Variants in AMMECR1 observed in about 807,000 individuals in gnomAD.
The protein encoded by AMMECR1 is AMMECR nuclear protein 1.
AMMECR1 carries 3 observed loss-of-function variants against 22.5 expected under a neutral mutation model. The observed-to-expected ratio is 0.13, with a 90% CI of 0.06 to 0.35. The LOEUF is 0.35. Ranked by LOEUF, AMMECR1 falls within the 10% of genes least tolerant of loss-of-function variation. AMMECR1 has a pLI of 1.00. For missense variants in AMMECR1, 235 were observed against 278.7 expected (o/e 0.84, Z 1.12); for synonymous variants, 130 against 116.7 (o/e 1.11, Z -0.74).
intron 2 of AMMECR1, among the ~76,000 whole-genome samples, chrX:110,367,186 T>G (rs2068302777): frequency 8.9e-6 from 1 of 112,173 alleles, no homozygotes; most frequent in East Asian, 2.8e-4. Context: ...ATGGCATCAA[T>G]TTTTCTTTCA....
chrX:110,409,516 A>G (rs1378013839), intron 2 of AMMECR1, among the ~76,000 whole-genome samples: 1 of 111,857 alleles, frequency 8.9e-6, no homozygotes, highest in Non-Finnish European at 1.9e-5. Flanking sequence ...CAGAGAGGAT[A>G]CCAGGGAAAA....
chrX:110,303,332 T>C (rs1299122079), intron 1 of AMMECR1, among the ~76,000 whole-genome samples: 2 of 111,473 alleles, frequency 1.8e-5, no homozygotes, highest in African/African-American at 6.5e-5. Context: ...TTTCCCCCAG[T>C]TGTGCTCTAC....
At chrX:110,256,041 G>T (rs1270157589) in intron 2 of AMMECR1, among the ~76,000 whole-genome samples, 2 of 111,805 alleles carry the variant, frequency 1.8e-5, no homozygotes, top group Non-Finnish European at 3.8e-5. Flanking sequence ...TTAATGGTGG[G>T]GATTCATTCT....
intron 1 of AMMECR1, among the ~76,000 whole-genome samples, chrX:110,286,671 CAAAA>C (rs775821051): frequency 3.0e-5 from 2 of 66,999 alleles, no homozygotes; most frequent in Non-Finnish European, 2.9e-5. Flanking sequence ...GACCCTGTCT[CAAAA>C]AAAAAAAAAA....
At chrX:110,199,339 C>A (rs2148161442) in intron 5 of AMMECR1, among the ~76,000 whole-genome samples, 1 of 111,043 alleles carries the variant, frequency 9.0e-6, no homozygotes, top group South Asian at 3.9e-4. Context: ...TCTCAGATTG[C>A]TCCTTGTCTC....
chrX:110,256,808 T>A (rs2067713457), intron 2 of AMMECR1, among the ~76,000 whole-genome samples: 1 of 111,715 alleles, frequency 9.0e-6, no homozygotes, highest in African/African-American at 3.2e-5. Context: ...TTTTAAAAAG[T>A]ATTTCTCATG....
At chrX:110,296,929 TTTTAA>T (rs1335753775) in intron 1 of AMMECR1, among the ~76,000 whole-genome samples, 2 of 111,176 alleles carry the variant, frequency 1.8e-5, no homozygotes, top group Non-Finnish European at 3.8e-5. Context: ...TTACTGTTGG[TTTTAA>T]TTTTTTTTAG....
intron 2 of AMMECR1, among the ~76,000 whole-genome samples, chrX:110,421,336 A>G (rs1193471192): frequency 2.7e-5 from 3 of 112,742 alleles, no homozygotes; most frequent in Non-Finnish European, 3.7e-5. Flanking sequence ...GGATGCTGCC[A>G]TACAGTGTCA....
intron 3 of AMMECR1, among the ~76,000 whole-genome samples, chrX:110,214,427 T>A (rs1023160535): frequency 8.9e-6 from 1 of 111,761 alleles, no homozygotes; most frequent in African/African-American, 3.3e-5. Flanking sequence ...AGGATAAATA[T>A]GCCTTGAAAG....
intron 2 of AMMECR1, among the ~76,000 whole-genome samples, chrX:110,368,643 T>C (rs1372275404): frequency 3.6e-5 from 4 of 112,137 alleles, no homozygotes; most frequent in African/African-American, 1.3e-4. Context: ...TTAATTTTTT[T>C]CCATAGTACT....
chrX:110,389,974 C>T (rs764160694), intron 2 of AMMECR1, among the ~76,000 whole-genome samples: 4 of 111,768 alleles, frequency 3.6e-5, no homozygotes, highest in Non-Finnish European at 7.5e-5. Flanking sequence ...GCTTGTTTAC[C>T]ACAGAGTATT....
intron 1 of AMMECR1, among the ~76,000 whole-genome samples, chrX:110,433,477 G>C (rs964510413): frequency 9.0e-6 from 1 of 111,598 alleles, no homozygotes; most frequent in Non-Finnish European, 1.9e-5. Flanking sequence ...TAATGAGGAA[G>C]GGCAGGGAGA....
chrX:110,197,535 A>G lies in AMMECR1; in HGVS notation c.*985T>C, dbSNP rs2067376712. The G allele has an allele frequency of 8.9e-6, 1 of 111,853 alleles. No individual in the cohort carries two copies. The highest frequency in any genetic ancestry group is 1.9e-5 in the Non-Finnish European group (1 of 53,037). The allele number at this position is 111,853 out of a possible 1,213,427, so 9.2% of individuals were successfully genotyped here. ...CTTAAAAAAATACTTAAGAGTAAGG[A>G]ATTTGTCTAATCTTCTGTTTCACAT... On this transcript the variant is annotated 3_prime_UTR_variant, in exon 6 of 6. Coordinates refer to ENST00000262844, the MANE Select transcript of AMMECR1 (RefSeq NM_015365.3).
chrX:110,210,706 T>G (rs371436314), intron 3 of AMMECR1, among the ~76,000 whole-genome samples: 2 of 112,355 alleles, frequency 1.8e-5, no homozygotes, highest in East Asian at 5.6e-4. Flanking sequence ...CACCCTATTA[T>G]TAACTGCAAC....
In AMMECR1 at chrX:110,260,611, AT is replaced by A. The variant is rs2067735559; in HGVS notation, c.584+3877del. Among the ~76,000 whole-genome samples the A allele has an allele frequency of 2.7e-5, 3 of 111,514 alleles. No individual in the cohort carries two copies. In the South Asian group the frequency reaches 1.1e-3, roughly 42 times the overall value. Reference sequence around the variant, plus strand: ...CAGGATAGGCATTTCATTTTAAAAAATATCTGGTCATATTTTTAAGAAAGGT... The same window carrying A: ...CAGGATAGGCATTTCATTTTAAAAAAATCTGGTCATATTTTTAAGAAAGGT... On this transcript the variant is annotated intron_variant, in intron 2 of 5. Coordinates refer to ENST00000262844, the MANE Select transcript of AMMECR1 (RefSeq NM_015365.3).
intron 2 of AMMECR1, among the ~76,000 whole-genome samples, chrX:110,359,811 G>A (rs930525357): frequency 3.6e-5 from 4 of 111,439 alleles, no homozygotes; most frequent in African/African-American, 9.8e-5. Context: ...GAGTGGTCTG[G>A]TCACATCATA....
chrX:110,316,437 AT>A (rs1256413486), intron 1 of AMMECR1, among the ~76,000 whole-genome samples: 1 of 110,905 alleles, frequency 9.0e-6, no homozygotes, highest in Non-Finnish European at 1.9e-5. Context: ...TTTCACTGAA[AT>A]TTTTTCTGTA....
intron 1 of AMMECR1, among the ~76,000 whole-genome samples, chrX:110,430,228 T>C (rs1221064893): frequency 1.8e-5 from 2 of 112,907 alleles, no homozygotes; most frequent in Non-Finnish European, 3.7e-5. Context: ...TGTGGTACTT[T>C]ACCGCTTCTT....
chrX:110,347,638 G>A (rs1374515994), intron 2 of AMMECR1, among the ~76,000 whole-genome samples: 5 of 112,734 alleles, frequency 4.4e-5, no homozygotes, highest in African/African-American at 1.6e-4. Context: ...AAAAACAGCT[G>A]TTTCCAGATG....
Sources: allele counts gnomAD v4.1 joint callset (sites outside exome capture counted in the v4.1 genomes callset), GRCh38; gene constraint gnomAD v4.1.1; transcripts MANE v1.5; gene names NCBI Gene and HGNC (gene_info 2026-07-23, HGNC 2026-07-21).